RERE: variants seen among roughly 807,000 people sequenced by gnomAD.
The protein encoded by RERE is arginine-glutamic acid dipeptide repeats protein.
Under a neutral mutation model 146.1 loss-of-function variants are expected in RERE, and 40 were observed. That is an observed-to-expected ratio of 0.27 (90% confidence interval 0.21 to 0.36). RERE has a LOEUF of 0.36. RERE is among the 10% of genes least tolerant of loss of function. The probability of loss-of-function intolerance (pLI) is 1.00; values close to 1 mark genes in which losing one functional copy is unlikely to be tolerated. For missense variants in RERE, 1,933 were observed against 2,138.7 expected (o/e 0.90, Z 1.90); for synonymous variants, 1,003 against 866.0 (o/e 1.16, Z -2.78).
chr1:8,499,666 C>T (rs1173933695), intron 8 of RERE, among the ~76,000 whole-genome samples: 1 of 152,262 alleles, frequency 6.6e-6, no homozygotes, highest in Admixed American at 6.5e-5. Context: ...TCAGCACCCA[C>T]ACAGCTTTAC....
chr1:8,507,576 T>C (rs1570362751), intron 8 of RERE, among the ~76,000 whole-genome samples: 1 of 151,632 alleles, frequency 6.6e-6, no homozygotes, highest in South Asian at 2.1e-4. Context: ...GACCAGCTAA[T>C]TTTTCTATTT....
intron 4 of RERE, among the ~76,000 whole-genome samples, chr1:8,565,215 A>G (rs866154829): frequency 6.6e-6 from 1 of 152,148 alleles, no homozygotes; most frequent in African/African-American, 2.4e-5. Flanking sequence ...TAAGAGAGTA[A>G]ATTTCAAATG....
intron 1 of RERE, among the ~76,000 whole-genome samples, chr1:8,785,092 C>T (rs951648410): frequency 2.0e-5 from 3 of 152,164 alleles, no homozygotes; most frequent in African/African-American, 7.2e-5. Flanking sequence ...ACCTGTCTAG[C>T]ATCTATCCTT....
intron 4 of RERE, among the ~76,000 whole-genome samples, chr1:8,565,414 A>G (rs1290150140): frequency 6.6e-6 from 1 of 152,056 alleles, no homozygotes; most frequent in East Asian, 1.9e-4. Context: ...TTAACATAAG[A>G]CTCTAAGAAT....
chr1:8,621,336 A>G (rs1646913254), intron 3 of RERE, among the ~76,000 whole-genome samples: 1 of 152,128 alleles, frequency 6.6e-6, no homozygotes, highest in African/African-American at 2.4e-5. Flanking sequence ...ATAAAGAGCT[A>G]TTTCATGAAA....
chr1:8,537,887 A>G (rs1282333106), intron 7 of RERE, among the ~76,000 whole-genome samples: 2 of 152,256 alleles, frequency 1.3e-5, no homozygotes, highest in African/African-American at 2.4e-5. Context: ...GAAGCTGTAC[A>G]CTGAAATTTA....
intron 7 of RERE, among the ~76,000 whole-genome samples, chr1:8,528,420 T>G (rs1195093829): frequency 6.6e-6 from 1 of 152,220 alleles, no homozygotes; most frequent in Non-Finnish European, 1.5e-5. Context: ...ATTGTATTAA[T>G]GTTACCTTTT....
rs528770995 is a variant in RERE at position 8,476,975 on chromosome 1, A to G, written c.1105-10952T>C. ...AGAAAAATAAAAAAACAATAAAACC[A>G]TTGAATTAAGCCACATTCCCCACGC... On this transcript the variant is annotated intron_variant, in intron 10 of 22. Coordinates refer to ENST00000400908, the MANE Select transcript of RERE (RefSeq NM_001042681.2). Among the ~76,000 whole-genome samples, 4 of 152,340 alleles carry G rather than the reference A, an allele frequency of 2.6e-5. No homozygotes were observed. The East Asian group carries it at 7.7e-4, about 29-fold the overall frequency.
At chr1:8,718,765 A>G (rs1346687607) in intron 1 of RERE, among the ~76,000 whole-genome samples, 3 of 152,248 alleles carry the variant, frequency 2.0e-5, no homozygotes, top group Non-Finnish European at 4.4e-5. Context: ...TTCTAACTGC[A>G]TAACCTTGGG....
At chr1:8,410,382 G>A (rs1643581029) in intron 12 of RERE, among the ~76,000 whole-genome samples, 1 of 152,196 alleles carries the variant, frequency 6.6e-6, no homozygotes, top group Non-Finnish European at 1.5e-5. Flanking sequence ...GGCAGGGGGT[G>A]TGCCAACTAC....
chr1:8,412,335 C>T (rs1643637429), intron 12 of RERE, among the ~76,000 whole-genome samples: 1 of 152,186 alleles, frequency 6.6e-6, no homozygotes, highest in East Asian at 1.9e-4. Flanking sequence ...ATAAAAAATT[C>T]CACAGACTGT....
intron 12 of RERE, among the ~76,000 whole-genome samples, chr1:8,379,246 A>G (rs1356919480): frequency 6.6e-6 from 1 of 152,130 alleles, no homozygotes; most frequent in Non-Finnish European, 1.5e-5. Flanking sequence ...TGACCACTTA[A>G]TTCTGGTCAG....
At chr1:8,402,409 C>T (rs777818197) in intron 12 of RERE, among the ~76,000 whole-genome samples, 1 of 152,152 alleles carries the variant, frequency 6.6e-6, no homozygotes, top group Non-Finnish European at 1.5e-5. Context: ...CCAGAAATCA[C>T]GGCACAAAGA....
Position 8,354,025 on chromosome 1 carries a change from AGAT to A in RERE, c.*1059_*1061del. 6.5e-6 allele frequency: 1 copy of A among 152,710 alleles called. No homozygotes were observed. Among genetic ancestry groups the A allele is most frequent in the South Asian group, 2.1e-4 (1 of 4,826 alleles). 9.5% of individuals were successfully genotyped at this position (152,710 alleles called of 1,614,324 possible). Reference sequence around the variant, plus strand: ...GTTATTTGTATGGAATCATTTTCTTAGATGATGAAATTTTCGGAGTATTAAAAA... The same window carrying A: ...GTTATTTGTATGGAATCATTTTCTTAGATGAAATTTTCGGAGTATTAAAAA... On this transcript the variant is annotated 3_prime_UTR_variant, in exon 23 of 23. Coordinates refer to ENST00000400908, the MANE Select transcript of RERE (RefSeq NM_001042681.2).
intron 7 of RERE, among the ~76,000 whole-genome samples, chr1:8,526,293 CTTT>C (rs34947776): frequency 4.4e-4 from 62 of 141,768 alleles, no homozygotes; most frequent in African/African-American, 1.0e-3. Context: ...CAAGTTTTGT[CTTT>C]TTTTTTTTTT....
chr1:8,367,826 C>T (rs1641874006), intron 12 of RERE, among the ~76,000 whole-genome samples: 1 of 152,238 alleles, frequency 6.6e-6, no homozygotes, highest in African/African-American at 2.4e-5. Context: ...GCTCTTTTCA[C>T]TTCCTGCTTT....
chr1:8,745,848 T>C (rs1460231337), intron 1 of RERE, among the ~76,000 whole-genome samples: 1 of 152,196 alleles, frequency 6.6e-6, no homozygotes, highest in Non-Finnish European at 1.5e-5. Context: ...GGTAGGAGAA[T>C]CGCTTGAGCC....
At chr1:8,696,676 G>A (rs531976054) in intron 1 of RERE, among the ~76,000 whole-genome samples, 2 of 152,110 alleles carry the variant, frequency 1.3e-5, no homozygotes, top group Non-Finnish European at 2.9e-5. Flanking sequence ...TTGGGAGGCT[G>A]AGGCGAGTGG....
chr1:8,611,342 A>G (rs1260978592), intron 4 of RERE, among the ~76,000 whole-genome samples: 1 of 150,710 alleles, frequency 6.6e-6, no homozygotes, highest in African/African-American at 2.5e-5. Flanking sequence ...ACTGTCTACT[A>G]AAAGTACAAC....
Sources: allele counts gnomAD v4.1 joint callset (sites outside exome capture counted in the v4.1 genomes callset), GRCh38; gene constraint gnomAD v4.1.1; transcripts MANE v1.5; gene names NCBI Gene and HGNC (gene_info 2026-07-23, HGNC 2026-07-21).